HSF2: variants seen among roughly 807,000 people sequenced by gnomAD.
HSF2 encodes heat shock factor protein 2.
A neutral mutation model predicts 65.0 loss-of-function variants in HSF2; 21 were observed. The ratio of observed to expected loss-of-function variants is 0.32; its 90% CI spans 0.23 to 0.47. The LOEUF is 0.47. Among genes scored for constraint, HSF2 ranks in the 20% least tolerant of loss-of-function variants. HSF2 has a pLI of 1.00. For missense variants in HSF2, 499 were observed against 628.1 expected, an observed-to-expected ratio of 0.79 and a Z score of 2.20; for synonymous variants, 225 against 219.1, an observed-to-expected ratio of 1.03 and a Z score of -0.24.
At chr6:122,401,601 A>G (rs922872967) in intron 1 of HSF2, among the ~76,000 whole-genome samples, 4 of 152,206 alleles carry the variant, frequency 2.6e-5, no homozygotes, top group Non-Finnish European at 5.9e-5. Flanking sequence ...TCTAAGCCAA[A>G]TAAACAAGCC....
rs529752632 is a variant in HSF2, at chr6:122,431,946, C to A, written c.1337C>A (p.Thr446Asn). The change falls in exon 13 of 13, where the codon ACC (threonine) becomes AAC (asparagine). Residue 446 changes from threonine to asparagine, a missense_variant. Physicochemically the swap from Thr to Asn is moderately conservative, Grantham distance 65 (BLOSUM62 0). This residue lies in a region of HSF2 where 349 missense variants were observed against 393.5 expected (regional missense o/e 0.89). Coordinates refer to ENST00000368455, the MANE Select transcript of HSF2 (RefSeq NM_004506.4). ...SKPDKQLIQY[T>N]AFPLLAFLDG... ...ATAGATAAGCAGCTTATCCAGTATA[C>A]CGCCTTTCCACTTCTTGCATTCCTC... 6.2e-7 allele frequency: 1 copy of A among 1,613,794 alleles called. No homozygotes were observed. The highest frequency in any genetic ancestry group is 1.3e-5 in the African/African-American group (1 of 75,026).
At chr6:122,415,186 A>T (rs970988853) in intron 4 of HSF2, among the ~76,000 whole-genome samples, 2 of 152,228 alleles carry the variant, frequency 1.3e-5, no homozygotes, top group Admixed American at 1.3e-4. Context: ...GTGAACGAAG[A>T]AGAAGCTATT....
intron 10 of HSF2, among the ~76,000 whole-genome samples, chr6:122,425,934 T>C (rs1483950827): frequency 6.6e-6 from 1 of 152,120 alleles, no homozygotes; most frequent in Non-Finnish European, 1.5e-5. Context: ...TAAACTTCTT[T>C]ATTCTCTGTA....
chr6:122,430,359 T>C (rs546708988), intron 11 of HSF2, among the ~76,000 whole-genome samples: 1 of 152,192 alleles, frequency 6.6e-6, no homozygotes, highest in Non-Finnish European at 1.5e-5. Flanking sequence ...GATATCCTCT[T>C]TATCATTTTT....
In HSF2 at chr6:122,399,805, C is replaced by T. The variant is rs1773674847; in HGVS notation, c.68C>T (p.Thr23Ile). ...KLWTLVEETH[T>I]NEFITWSQNG... ...TGGACGCTTGTGGAGGAAACCCACA[C>T]TAACGAGTTCATCACCTGGAGCCAG... is the stretch of plus-strand genomic sequence containing the variant. The change falls in exon 1 of 13, where the codon ACT becomes ATT. Residue 23 changes from threonine (T) to isoleucine (I), a missense_variant. Thr to Ile is a moderately conservative substitution (Grantham distance 89, BLOSUM62 -1). Transcript: ENST00000368455. 6.2e-7 allele frequency: 1 copy of T among 1,612,158 alleles called. No individual in the cohort carries two copies. Among genetic ancestry groups the T allele is most frequent in the Non-Finnish European group, 8.5e-7 (1 of 1,179,236 alleles).
intron 10 of HSF2, among the ~76,000 whole-genome samples, chr6:122,425,728 T>C (rs376689061): frequency 3.3e-5 from 5 of 152,038 alleles, no homozygotes; most frequent in African/African-American, 1.2e-4. Flanking sequence ...GCACCCAATC[T>C]TTCAGCCTCT....
intron 1 of HSF2, 69 bp downstream of exon 1, chr6:122,399,899 T>A: frequency 8.1e-7 from 1 of 1,232,396 alleles, no homozygotes; most frequent in South Asian, 1.2e-5. Flanking sequence ...TCCTGCGGGG[T>A]GGTCTCTCGC....
At chr6:122,417,733 T>G (rs547944861) in intron 5 of HSF2, among the ~76,000 whole-genome samples, 1 of 152,330 alleles carries the variant, frequency 6.6e-6, no homozygotes, top group South Asian at 2.1e-4. Flanking sequence ...AACTGAGATG[T>G]AGAATAAATT....
At chr6:122,421,095 G>C (rs1013480734) in intron 7 of HSF2, among the ~76,000 whole-genome samples, 3 of 151,828 alleles carry the variant, frequency 2.0e-5, no homozygotes, top group East Asian at 1.9e-4. Context: ...TCTTACATTG[G>C]TTATTCTATT....
chr6:122,426,741 G>A (rs1443401820), intron 10 of HSF2, among the ~76,000 whole-genome samples: 1 of 151,934 alleles, frequency 6.6e-6, no homozygotes, highest in African/African-American at 2.4e-5. Context: ...TGGCTTTTTT[G>A]CACCTCATTC....
chr6:122,416,191 TG>T, intron 4 of HSF2, 29 bp from the exon 5 acceptor site: 4 of 1,400,918 alleles, frequency 2.9e-6, no homozygotes, highest in Non-Finnish European at 3.0e-6. Flanking sequence ...ATTTTTTTTT[TG>T]TTTTGTTGCT....
intron 3 of HSF2, among the ~76,000 whole-genome samples, chr6:122,413,187 T>G (rs1333447319): frequency 1.3e-5 from 2 of 152,100 alleles, no homozygotes; most frequent in African/African-American, 4.8e-5. Flanking sequence ...ATGAACCTTT[T>G]ACTGCATAAA....
At chr6:122,412,885 G>T (rs1218228042) in intron 3 of HSF2, 121 bp downstream of exon 3, 3 of 911,240 alleles carry the variant, frequency 3.3e-6, no homozygotes, top group East Asian at 5.3e-5. Flanking sequence ...GATGAATTAG[G>T]ATAATAAAGT....
intron 8 of HSF2, 60 bp downstream of exon 8, chr6:122,422,358 A>G: frequency 2.6e-6 from 3 of 1,161,900 alleles, no homozygotes; most frequent in Non-Finnish European, 3.8e-6. Context: ...ATTACAGAGT[A>G]AAATTCAAAA....
rs1774267035 is a variant in HSF2 at position 122,422,830 on chromosome 6, G to A, written c.943G>A (p.Gly315Ser). The change falls in exon 9 of 13, where the codon GGC (glycine) becomes AGC (serine). Residue 315 changes from glycine (G) to serine (S), a missense_variant. Coordinates refer to ENST00000368455, the MANE Select transcript of HSF2 (RefSeq NM_004506.4). Reference protein sequence around the residue: ...NEPARESLSSGSDGSSPLMSS... With the variant: ...NEPARESLSSSSDGSSPLMSS... The stretch of plus-strand genomic sequence containing the variant: ...ACCAGCCAGAGAATCCCTAAGTTCA[G>A]GCAGTGATGGCAGCAGCCCTCTCAT... 2 of 1,613,648 alleles carry A rather than the reference G, an allele frequency of 1.2e-6. No individual in the cohort carries two copies. Among genetic ancestry groups the A allele is most frequent in the African/African-American group, 2.7e-5 (2 of 74,898 alleles).
At chr6:122,415,626 A>G (rs1774108104) in intron 4 of HSF2, among the ~76,000 whole-genome samples, 1 of 152,098 alleles carries the variant, frequency 6.6e-6, no homozygotes, top group African/African-American at 2.4e-5. Context: ...GATTGTCAAA[A>G]GTAGTAAATT....
chr6:122,425,755 CTCT>C (rs1774326445), intron 10 of HSF2, among the ~76,000 whole-genome samples: 1 of 151,978 alleles, frequency 6.6e-6, no homozygotes, highest in African/African-American at 2.4e-5. Flanking sequence ...TTTTCTGTCT[CTCT>C]TCTTTTTCCA....
intron 5 of HSF2, 87 bp downstream of exon 5, chr6:122,416,383 G>A (rs1314888727): frequency 6.5e-6 from 5 of 764,554 alleles, no homozygotes; most frequent in Non-Finnish European, 1.1e-5. Flanking sequence ...TTGAGTGTCT[G>A]TGATTGATCT....
chr6:122,422,568 GT>G lies in HSF2; in HGVS notation c.831-149del, dbSNP rs1453104277. 4 of 795,726 alleles carry G rather than the reference GT, an allele frequency of 5.0e-6. No homozygotes were observed. The African/African-American group carries it at 6.9e-5, about 14-fold the overall frequency. The allele number at this position is 795,726 out of a possible 1,614,324, so 49.3% of individuals were successfully genotyped here. On this transcript the variant is annotated intron_variant, in intron 8 of 12. Transcript: ENST00000368455. ...TCTTTATGGTCTTCTATACTATGAA[GT>G]ACCAATATTGTGATTAAGCTGCTCG... is the stretch of plus-strand genomic sequence containing the variant.
Sources: gnomAD v4.1 joint callset for allele counts (sites outside exome capture counted in the v4.1 genomes callset) on GRCh38, gnomAD v4.1.1 for gene constraint, gnomAD v4.1.1 regional missense constraint, MANE v1.5 for transcripts, NCBI Gene and HGNC (gene_info 2026-07-23, HGNC 2026-07-21) for gene names.